MPP3: variants seen among roughly 807,000 people sequenced by gnomAD.
The protein encoded by MPP3 is MAGUK p55 subfamily member 3.
A neutral mutation model predicts 80.7 loss-of-function variants in MPP3; 48 were observed. The ratio of observed to expected loss-of-function variants is 0.59; its 90% CI spans 0.47 to 0.76. MPP3 has a LOEUF of 0.76. Among genes scored for constraint, MPP3 ranks in the 30% least tolerant of loss-of-function variants. The pLI is 0.00. For synonymous variants in MPP3, 311 were observed against 297.6 expected (o/e 1.04, Z -0.46); for missense variants, 620 against 763.0 (o/e 0.81, Z 2.21).
At chr17:43,813,982 AAC>A in intron 16 of MPP3, 27 bp downstream of exon 16, 1 of 1,544,266 alleles carries the variant, frequency 6.5e-7, no homozygotes, top group African/African-American at 1.4e-5. Context: ...TGTGCAGACA[AAC>A]ACACACTCCC....
rs1274284076 is a variant in MPP3, at chr17:43,816,701, C to T, written c.947-4G>A. The T allele has an allele frequency of 7.0e-6, 11 of 1,575,088 alleles. No homozygotes were observed. Among genetic ancestry groups the T allele is most frequent in the Admixed American group, 5.5e-5 (3 of 54,390 alleles). ...CCTTTGTCACAAGGCTGATCATCTGCGGTTTGCACAAAAGACAGATGGAAC... is the reference window on the plus strand; with the variant it reads ...CCTTTGTCACAAGGCTGATCATCTGTGGTTTGCACAAAAGACAGATGGAAC... On this transcript the variant is annotated splice_polypyrimidine_tract_variant and splice_region_variant and intron_variant, in intron 12 of 19. Coordinates refer to ENST00000398389, the MANE Select transcript of MPP3 (RefSeq NM_001932.6).
At chr17:43,806,914 G>T (rs2044641232) in intron 19 of MPP3, among the ~76,000 whole-genome samples, 1 of 151,842 alleles carries the variant, frequency 6.6e-6, no homozygotes, top group Non-Finnish European at 1.5e-5. Flanking sequence ...AGCCAATATT[G>T]TATGTTTCTA....
At chr17:43,810,701 C>G in intron 18 of MPP3, 106 bp downstream of exon 18, 2 of 759,490 alleles carry the variant, frequency 2.6e-6, no homozygotes, top group Non-Finnish European at 4.4e-6. Context: ...AGCCAGTGTT[C>G]TAGACTAAAA....
At chr17:43,810,196 A>G (rs997133144) in intron 18 of MPP3, among the ~76,000 whole-genome samples, 21 of 152,186 alleles carry the variant, frequency 1.4e-4, no homozygotes, top group East Asian at 1.2e-3. Flanking sequence ...TATAGAGGGG[A>G]AAAAAAATCC....
At chr17:43,828,458 G>A (rs1413099908) in intron 7 of MPP3, among the ~76,000 whole-genome samples, 1 of 152,232 alleles carries the variant, frequency 6.6e-6, no homozygotes, top group Admixed American at 6.5e-5. Flanking sequence ...GGGCTGGACA[G>A]CCTTGGGTGT....
rs117224511 is a variant in MPP3, at chr17:43,823,918, C to T, written c.684+13G>A. The T allele has an allele frequency of 1.7e-4, 278 of 1,605,168 alleles. 1 individual carries two copies. In the East Asian group the frequency reaches 6.0e-3, roughly 35 times the overall value. On this transcript the variant is annotated intron_variant, in intron 10 of 19. Transcript: ENST00000398389. ...AAGCTGAGAGAGGGCACCGCGGACC[C>T]ACCTCCCCATACCTTGCTCTCCTTT...
intron 10 of MPP3, among the ~76,000 whole-genome samples, chr17:43,821,846 G>A (rs150317451): frequency 2.0e-5 from 3 of 152,272 alleles, no homozygotes; most frequent in Non-Finnish European, 4.4e-5. Context: ...CTATTCCTTT[G>A]TATGCCAACC....
intron 18 of MPP3, 39 bp downstream of exon 18, chr17:43,810,768 T>C (rs768683625): frequency 7.2e-7 from 1 of 1,391,012 alleles, no homozygotes; most frequent in South Asian, 1.3e-5. Flanking sequence ...AGTTATAAAT[T>C]CCGTTAACCA....
intron 14 of MPP3, chr17:43,815,823 C>T: frequency 1.5e-6 from 1 of 668,952 alleles, no homozygotes; most frequent in African/African-American, 1.8e-5. Flanking sequence ...GGGCAGTGTG[C>T]CCCACAGCTG....
chr17:43,816,677 C>T lies in MPP3; in HGVS notation c.967G>A (p.Glu323Lys). 1 of 1,576,396 alleles carries T rather than the reference C, an allele frequency of 6.3e-7. No individual in the cohort carries two copies. The highest frequency in any genetic ancestry group is 8.6e-7 in the Non-Finnish European group (1 of 1,160,420). The change falls in exon 13 of 20, where the codon GAG (glutamate) becomes AAG (lysine). Residue 323 changes from glutamate to lysine, a missense_variant and splice_region_variant. Coordinates refer to ENST00000398389, the MANE Select transcript of MPP3 (RefSeq NM_001932.6). ...GACAGCGGATAGATACTGGGCCTACCTTTGTCACAAGGCTGATCATCTGCG... is the reference window on the plus strand; with the variant it reads ...GACAGCGGATAGATACTGGGCCTACTTTTGTCACAAGGCTGATCATCTGCG... Reference protein sequence around the residue: ...KPPYDQPCDKETCDCEGYLKG... With the variant: ...KPPYDQPCDKKTCDCEGYLKG...
At chr17:43,831,462 C>A in intron 4 of MPP3, 97 bp downstream of exon 4, 1 of 1,319,110 alleles carries the variant, frequency 7.6e-7, no homozygotes, top group South Asian at 1.3e-5. Flanking sequence ...TGAAGGCCTT[C>A]CTGGGGCAGG....
chr17:43,825,776 C>A lies in MPP3; in HGVS notation c.589G>T (p.Asp197Tyr). 1.2e-6 allele frequency: 2 copies of A among 1,612,796 alleles called. No homozygotes were observed. Among genetic ancestry groups the A allele is most frequent in the South Asian group, 2.2e-5 (2 of 91,056 alleles). Reference protein sequence around the residue: ...NGIAVLHKRPDEISQILAQSQ... With the variant: ...NGIAVLHKRPYEISQILAQSQ... ...CGGACCAGAATCTGGCTGATCTCGTCGGGCCGCTTGTGCAGGACTGCGATC... is the reference window on the plus strand; with the variant it reads ...CGGACCAGAATCTGGCTGATCTCGTAGGGCCGCTTGTGCAGGACTGCGATC... The change falls in exon 9 of 20, where the codon GAC (aspartate) becomes TAC (tyrosine). Residue 197 changes from aspartate (D) to tyrosine (Y), a missense_variant. Asp to Tyr is a radical substitution (Grantham distance 160). Coordinates refer to ENST00000398389, the MANE Select transcript of MPP3 (RefSeq NM_001932.6).
Position 43,814,179 on chromosome 17 carries a change from A to C in MPP3, c.1174+18T>G. On this transcript the variant is annotated intron_variant, in intron 15 of 19. Transcript: ENST00000398389. ...GAGGAAACCAGATCACTTCCTGGAA[A>C]CCCAGGATGGCACCTACCGATCAGA... is the stretch of plus-strand genomic sequence containing the variant. 1 of 1,611,034 alleles carries C rather than the reference A, an allele frequency of 6.2e-7. No individual in the cohort carries two copies. Among genetic ancestry groups the C allele is most frequent in the Non-Finnish European group, 8.5e-7 (1 of 1,178,406 alleles).
At chr17:43,823,269 A>G (rs1264848855) in intron 10 of MPP3, among the ~76,000 whole-genome samples, 6 of 151,736 alleles carry the variant, frequency 4.0e-5, no homozygotes, top group Admixed American at 3.9e-4. Context: ...AAAACCCACC[A>G]CCATCCTCCC....
chr17:43,830,276 G>A (rs1310012101), intron 5 of MPP3, among the ~76,000 whole-genome samples, 169 bp from the exon 6 acceptor site: 3 of 152,178 alleles, frequency 2.0e-5, no homozygotes, highest in Non-Finnish European at 4.4e-5. Context: ...GGGGTCAGGA[G>A]CAGCTCTATG....
Position 43,808,944 on chromosome 17 carries a change from C to T in MPP3, c.1581+12G>A. The T allele has an allele frequency of 6.3e-7, 1 of 1,588,474 alleles. No homozygotes were observed. The highest frequency in any genetic ancestry group is 1.4e-5 in the African/African-American group (1 of 73,008). ...AGGCCTTCAGAAAAGAAACAATCAACTTTAAACTTACAAATGGGGCTGCTG... is the reference window on the plus strand; with the variant it reads ...AGGCCTTCAGAAAAGAAACAATCAATTTTAAACTTACAAATGGGGCTGCTG... On this transcript the variant is annotated intron_variant, in intron 19 of 19. Transcript: ENST00000398389.
Position 43,801,649 on chromosome 17 carries a change from T to C in MPP3, c.*52A>G, listed in dbSNP as rs1261420312. 5.1e-6 allele frequency: 8 copies of C among 1,554,796 alleles called. No homozygotes were observed. The highest frequency in any genetic ancestry group is 7.1e-6 in the Non-Finnish European group (8 of 1,130,424). ...TCCTTGATGGTAAAATGAGGGAGTC[T>C]GGACTAGATGATCTTCAAGGTCCCG... is the stretch of plus-strand genomic sequence containing the variant. On this transcript the variant is annotated 3_prime_UTR_variant, in exon 20 of 20. Transcript: ENST00000398389.
chr17:43,808,805 G>C, intron 19 of MPP3, 151 bp downstream of exon 19: 2 of 925,510 alleles, frequency 2.2e-6, no homozygotes, highest in Non-Finnish European at 3.0e-6. Context: ...CTTCTCTTAA[G>C]TTTTTCAATA....
At position 43,803,793 on chromosome 17, in the gene MPP3, C is replaced by T. The variant is rs9904586; in HGVS notation, c.1582-1916G>A. Reference sequence around the variant, plus strand: ...AGGTCGGAATCTCTGGGAGTAGAACCGGGGACTCTGTGTTGAACAGCCTCA... The same window carrying T: ...AGGTCGGAATCTCTGGGAGTAGAACTGGGGACTCTGTGTTGAACAGCCTCA... On this transcript the variant is annotated intron_variant, in intron 19 of 19. Transcript: ENST00000398389. Among the ~76,000 whole-genome samples, 719 of 147,190 alleles carry T rather than the reference C, an allele frequency of 4.9e-3. 5 individuals are homozygous for T. The highest frequency in any genetic ancestry group is 0.015 in the African/African-American group (626 of 41,372).
Sources: gnomAD v4.1 joint callset for allele counts (sites outside exome capture counted in the v4.1 genomes callset) on GRCh38, gnomAD v4.1.1 for gene constraint, MANE v1.5 for transcripts, NCBI Gene and HGNC (gene_info 2026-07-23, HGNC 2026-07-21) for gene names.